The following COL6A3 variants were observed in gnomAD, a reference collection of about 807,000 sequenced individuals.
The protein encoded by COL6A3 is collagen type VI alpha 3 chain, also known as collagen alpha-3(VI) chain.
A neutral mutation model predicts 274.1 loss-of-function variants in COL6A3; 137 were observed. The observed-to-expected ratio is 0.50, with a 90% CI of 0.44 to 0.58. The LOEUF (loss-of-function observed/expected upper bound fraction) is 0.58. Among genes scored for constraint, COL6A3 ranks in the 20% least tolerant of loss-of-function variants. COL6A3 has a pLI of 0.00. For missense variants in COL6A3, 3,950 were observed against 4,124.9 expected (o/e 0.96, Z 1.16); for synonymous variants, 1,650 against 1,650.6 (o/e 1.00, Z 0.01).
chr2:237,376,686 A>G, intron 7 of COL6A3, 86 bp downstream of exon 7: 2 of 1,338,070 alleles, frequency 1.5e-6, no homozygotes, highest in Non-Finnish European at 2.2e-6. Context: ...GAGGGCTTCT[A>G]TCTAAGGACC....
chr2:237,363,529 A>C, intron 13 of COL6A3, 131 bp from the exon 14 acceptor site: 2 of 994,342 alleles, frequency 2.0e-6, no homozygotes, highest in Non-Finnish European at 3.1e-6. Flanking sequence ...TATTTAATCA[A>C]GTTTACTGGC....
In COL6A3 at chr2:237,374,800, C is replaced by A; in HGVS notation, c.3291G>T (p.Gln1097His). 6.2e-7 allele frequency: 1 copy of A among 1,614,120 alleles called. No homozygotes were observed. Among genetic ancestry groups the A allele is most frequent in the Non-Finnish European group, 8.5e-7 (1 of 1,180,014 alleles). The change falls in exon 8 of 44, where the codon CAG becomes CAT. Residue 1097 changes from glutamine to histidine, a missense_variant. Around this residue, in one of 5 missense-constraint regions of COL6A3, gnomAD observed 1,934 missense variants for 1,984.3 expected, o/e 0.97. Coordinates refer to ENST00000295550, the MANE Select transcript of COL6A3 (RefSeq NM_004369.4). This position sits in a 1 kb window ranked among gnomAD's most constrained non-coding sequence, Gnocchi z 4.8. ...GGGTCGGCCCTCCCAGCAGGGTCAG[C>A]TGGCGGACAGCGTTGACGACGTCCT... is the stretch of plus-strand genomic sequence containing the variant. ...NKQDVVNAVR[Q>H]LTLLGGPTPN...
intron 14 of COL6A3, among the ~76,000 whole-genome samples, chr2:237,362,355 G>C (rs890413575): frequency 6.6e-6 from 1 of 152,202 alleles, no homozygotes; most frequent in Non-Finnish European, 1.5e-5. Context: ...TGGCCTCGGA[G>C]CCAAAAGCTT....
rs372844024 is a variant in COL6A3, at chr2:237,374,709, T to C, written c.3382A>G (p.Ile1128Val). ...AGCAGCTGGGGCACACCTTCTGTTA[T>C]CCTGCTTCCCGCAGAGCTGACCAGG... is the stretch of plus-strand genomic sequence containing the variant. The part of the protein sequence containing the change: ...NILVSSAGSR[I>V]TEGVPQLLIV... The change falls in exon 8 of 44, where the codon ATA becomes GTA. Residue 1128 changes from isoleucine (I) to valine (V), a missense_variant. Transcript: ENST00000295550. This position sits in a 1 kb window ranked among gnomAD's most constrained non-coding sequence, Gnocchi z 4.8. 1 of 1,613,488 alleles carries C rather than the reference T, an allele frequency of 6.2e-7. No individual in the cohort carries two copies. Among genetic ancestry groups the C allele is most frequent in the Non-Finnish European group, 8.5e-7 (1 of 1,179,548 alleles).
rs2076976946 is a variant in COL6A3, at chr2:237,341,027, G to C, written c.7889C>G (p.Thr2630Ser). The C allele has an allele frequency of 6.2e-7, 1 of 1,614,172 alleles. No individual in the cohort carries two copies. The highest frequency in any genetic ancestry group is 2.2e-5 in the East Asian group (1 of 44,876). ...CATCTCATTGAACTGGAACAGGGTG[G>C]TGGTCTCAGCGCTGTCTAAGATGAA... ...MAFILDSAET[T>S]TLFQFNEMKK... Residue 2630 changes from threonine (T) to serine (S), a missense_variant, in exon 38 of 44, where the codon ACC becomes AGC. By Grantham distance (58) the Thr-to-Ser change is moderately conservative. Transcript: ENST00000295550.
intron 5 of COL6A3, among the ~76,000 whole-genome samples, chr2:237,380,442 C>A (rs2106369000): frequency 6.6e-6 from 1 of 152,308 alleles, no homozygotes; most frequent in Non-Finnish European, 1.5e-5. Context: ...TGAGGGTAAT[C>A]CCTTAACGAG....
rs1477462064 is a variant in COL6A3 at position 237,340,589 on chromosome 2, C to T, written c.8327G>A (p.Arg2776Lys). ...GYFFVVLGIG[R>K]KVNIKEVYTF... The stretch of plus-strand genomic sequence containing the variant: ...GTATACCTCCTTGATGTTCACCTTC[C>T]TGCCAATGCCCAGGACCACGAAGAA... The change falls in exon 38 of 44, where the codon AGG becomes AAG. Residue 2776 changes from arginine to lysine, a missense_variant. Arg to Lys is a conservative substitution (Grantham distance 26). This residue lies in a region of COL6A3 where 1,284 missense variants were observed against 1,349.7 expected (regional missense o/e 0.95). Transcript: ENST00000295550. 1.9e-6 allele frequency: 3 copies of T among 1,614,222 alleles called. No homozygotes were observed. The highest frequency in any genetic ancestry group is 1.7e-6 in the Non-Finnish European group (2 of 1,180,030).
chr2:237,338,526 G>T (rs1700662179), intron 39 of COL6A3, among the ~76,000 whole-genome samples: 1 of 152,180 alleles, frequency 6.6e-6, no homozygotes, highest in African/African-American at 2.4e-5. Flanking sequence ...ACTTTGGGAG[G>T]CTGAGGCAGG....
At chr2:237,325,960 T>C (rs564587909) in intron 42 of COL6A3, 10 of 425,848 alleles carry the variant, frequency 2.3e-5, no homozygotes, top group Non-Finnish European at 3.7e-5. Context: ...AAGGGCTTCA[T>C]AAACAGCACT....
chr2:237,376,740 G>C (rs1214822528), intron 7 of COL6A3, 32 bp downstream of exon 7: 1 of 1,604,920 alleles, frequency 6.2e-7, no homozygotes, highest in African/African-American at 1.3e-5. Context: ...AGAGAACTGA[G>C]TGGCAGAGCA....
At chr2:237,403,768 C>T (rs1324521767) in intron 1 of COL6A3, among the ~76,000 whole-genome samples, 1 of 151,942 alleles carries the variant, frequency 6.6e-6, no homozygotes, top group Non-Finnish European at 1.5e-5. Context: ...CTCAGGGACC[C>T]CCGACAGGCT....
chr2:237,360,171 G>C lies in COL6A3; in HGVS notation c.6211-12C>G, dbSNP rs1371085583. 1 of 1,613,936 alleles carries C rather than the reference G, an allele frequency of 6.2e-7. No homozygotes were observed. Among genetic ancestry groups the C allele is most frequent in the African/African-American group, 1.3e-5 (1 of 74,932 alleles). On this transcript the variant is annotated splice_polypyrimidine_tract_variant and intron_variant, in intron 16 of 43. Transcript: ENST00000295550. ...GGACCACGCTCACCCTGTTGTGAGAGACAAAGGCATTTTGCAAGCTGGAGC... is the reference window on the plus strand; with the variant it reads ...GGACCACGCTCACCCTGTTGTGAGACACAAAGGCATTTTGCAAGCTGGAGC...
rs770840322 is a variant in COL6A3 at position 237,371,920 on chromosome 2, G to C, written c.4097C>G (p.Pro1366Arg). 3 of 1,613,848 alleles carry C rather than the reference G, an allele frequency of 1.9e-6. No individual in the cohort carries two copies. The African/African-American group carries it at 4.0e-5, about 22-fold the overall frequency. ...AVELKQFGVA[P>R]FTIARNADQE... ...GTCTGCGTTCCTGGCGATCGTGAAA[G>C]GGGCCACGCCAAACTGCTTGAGCTC... The change falls in exon 9 of 44, where the codon CCT becomes CGT. Residue 1366 changes from proline (P) to arginine (R), a missense_variant. Transcript: ENST00000295550. The surrounding 1 kb of genome is among the most constrained non-coding windows in gnomAD (Gnocchi z 4.3).
In COL6A3 at chr2:237,324,504, T is replaced by A; in HGVS notation, c.*270A>T. ...CAGAGGGAATTTGGATTGATAGGAA[T>A]GTTCACATAAACACCAGCAGTGGCT... On this transcript the variant is annotated 3_prime_UTR_variant, in exon 44 of 44. Transcript: ENST00000295550. 4.5e-6 allele frequency: 2 copies of A among 442,220 alleles called. No homozygotes were observed. Among genetic ancestry groups the A allele is most frequent in the Non-Finnish European group, 4.1e-6 (1 of 243,178 alleles). 27.4% of individuals were successfully genotyped at this position (442,220 alleles called of 1,614,324 possible).
Position 237,364,918 on chromosome 2 carries a change from T to C in COL6A3, c.5839-490A>G, listed in dbSNP as rs985917630. ...GTGCATGTGTGTGGGTGCATGTCTG[T>C]GGGTGTGTGTGCGTGTGTGCATGTG... On this transcript the variant is annotated intron_variant, in intron 12 of 43. Transcript: ENST00000295550. This position sits in a 1 kb window ranked among gnomAD's most constrained non-coding sequence, Gnocchi z 4.6. 5.3e-5 allele frequency among the ~76,000 whole-genome samples: 8 copies of C among 151,292 alleles called. No individual in the cohort carries two copies. The highest frequency in any genetic ancestry group is 1.7e-4 in the African/African-American group (7 of 41,080).
chr2:237,336,171 G>A lies in COL6A3; in HGVS notation c.8929C>T (p.Pro2977Ser). Residue 2977 changes from proline to serine, a missense_variant, in exon 40 of 44, where the codon CCA becomes TCA. Coordinates refer to ENST00000295550, the MANE Select transcript of COL6A3 (RefSeq NM_004369.4). ...PEVPRPQAAKPAATKPATTKP... is the reference protein window; with the variant it reads ...PEVPRPQAAKSAATKPATTKP... ...GTGGTGGCTGGCTTGGTGGCAGCTGGTTTGGCTGCCTGTGGCCTAGGGACC... is the reference window on the plus strand; with the variant it reads ...GTGGTGGCTGGCTTGGTGGCAGCTGATTTGGCTGCCTGTGGCCTAGGGACC... 1 of 1,613,522 alleles carries A rather than the reference G, an allele frequency of 6.2e-7. No individual in the cohort carries two copies. The highest frequency in any genetic ancestry group is 1.1e-5 in the South Asian group (1 of 91,088).
chr2:237,338,112 A>G (rs1011316927), intron 39 of COL6A3, among the ~76,000 whole-genome samples: 6 of 152,166 alleles, frequency 3.9e-5, no homozygotes, highest in African/African-American at 1.4e-4. Context: ...AAGTCCTTCC[A>G]TCAAGCCTAG....
At chr2:237,350,102 CAA>C (rs774044483) in intron 28 of COL6A3, 43 bp downstream of exon 28, 1 of 1,593,926 alleles carries the variant, frequency 6.3e-7, no homozygotes, top group Admixed American at 1.7e-5. Context: ...CACCTTCCAG[CAA>C]AGAGTCAGCG....
At chr2:237,384,565 A>C in intron 4 of COL6A3, among the ~76,000 whole-genome samples, 1 of 152,070 alleles carries the variant, frequency 6.6e-6, no homozygotes, top group East Asian at 1.9e-4. Flanking sequence ...AGGTACCTGC[A>C]TGCCACGCTC....
Sources: allele counts gnomAD v4.1 joint callset (sites outside exome capture counted in the v4.1 genomes callset), GRCh38; gene constraint gnomAD v4.1.1; regional missense constraint gnomAD v4.1.1; non-coding constraint Gnocchi (gnomAD v3.1); transcripts MANE v1.5; gene names NCBI Gene and HGNC (gene_info 2026-07-23, HGNC 2026-07-21).